The following CDH13 variants were observed in gnomAD, a reference collection of about 807,000 sequenced individuals.
CDH13 encodes cadherin-13.
A neutral mutation model predicts 63.8 loss-of-function variants in CDH13; 24 were observed. The observed-to-expected ratio is 0.38, with a 90% CI of 0.27 to 0.53. The LOEUF (loss-of-function observed/expected upper bound fraction) is 0.53, where lower values mean the gene tolerates loss of function less well. Ranked by LOEUF, CDH13 falls within the 20% of genes least tolerant of loss-of-function variation. The probability of loss-of-function intolerance (pLI) is 0.85; values close to 1 mark genes in which losing one functional copy is unlikely to be tolerated. For synonymous variants in CDH13, 503 were observed against 355.3 expected (o/e 1.42, Z -4.67); for missense variants, 1,049 against 903.1 (o/e 1.16, Z -2.07).
At chr16:83,071,423 T>C (rs186552631) in intron 3 of CDH13, among the ~76,000 whole-genome samples, 165 of 152,302 alleles carry the variant, frequency 1.1e-3, no homozygotes, top group Middle Eastern at 3.4e-3. Flanking sequence ...AAACCTGTGC[T>C]CCTGACTACC....
rs577319159 is a variant in CDH13 at position 82,956,967 on chromosome 16, G to A, written c.158-75043G>A. On this transcript the variant is annotated intron_variant, in intron 2 of 13. Transcript: ENST00000567109. The stretch of plus-strand genomic sequence containing the variant: ...CCCCACTGTGTCACTTAGAGACAAA[G>A]TGGAGACAGGGGTGGAGAGACATAA... Among the ~76,000 whole-genome samples, 5 of 152,288 alleles carry A rather than the reference G, an allele frequency of 3.3e-5. No individual in the cohort carries two copies. The East Asian group carries it at 5.8e-4, about 18-fold the overall frequency.
At chr16:83,263,642 C>G (rs911691084) in intron 5 of CDH13, among the ~76,000 whole-genome samples, 2 of 152,208 alleles carry the variant, frequency 1.3e-5, no homozygotes, top group African/African-American at 4.8e-5. Context: ...AGGATTAAAA[C>G]CATTACCACT....
rs147393564 is a variant in CDH13 at position 83,020,130 on chromosome 16, C to T, written c.158-11880C>T. On this transcript the variant is annotated intron_variant, in intron 2 of 13. Transcript: ENST00000567109. Reference sequence around the variant, plus strand: ...TGTGTTCCTCTGTAGATCAGAACATCGCTATGTGGCACATGACCGAATTTG... The same window carrying T: ...TGTGTTCCTCTGTAGATCAGAACATTGCTATGTGGCACATGACCGAATTTG... Among the ~76,000 whole-genome samples the T allele has an allele frequency of 2.8e-3, 429 of 152,278 alleles. 3 individuals carry two copies. In the Middle Eastern group the frequency reaches 0.034, roughly 12 times the overall value.
At chr16:83,680,163 C>G (rs1231985356) in intron 10 of CDH13, among the ~76,000 whole-genome samples, 1 of 152,208 alleles carries the variant, frequency 6.6e-6, no homozygotes, top group African/African-American at 2.4e-5. Flanking sequence ...GTCACAGGAA[C>G]AGACAGACTT....
chr16:83,223,906 T>C (rs997917063), intron 5 of CDH13, among the ~76,000 whole-genome samples: 5 of 152,118 alleles, frequency 3.3e-5, no homozygotes, highest in Admixed American at 1.3e-4. Context: ...TCTTTAGTGG[T>C]GGTTTGTAAG....
chr16:83,172,710 C>T (rs1347593279), intron 4 of CDH13, among the ~76,000 whole-genome samples: 1 of 151,930 alleles, frequency 6.6e-6, no homozygotes, highest in African/African-American at 2.4e-5. Context: ...ATTTCTGTTG[C>T]TTAAGCCACC....
chr16:83,442,540 T>A (rs1109544), intron 6 of CDH13, among the ~76,000 whole-genome samples: 67,481 of 140,580 alleles, frequency 0.48, 15,443 homozygotes, highest in African/African-American at 0.58. Context: ...CCTGGAAAAC[T>A]TTCACATTGC....
chr16:83,042,664 G>A (rs570435043), intron 3 of CDH13, among the ~76,000 whole-genome samples: 36 of 152,278 alleles, frequency 2.4e-4, no homozygotes, highest in Non-Finnish European at 4.4e-4. Context: ...CTGTGGTGCC[G>A]AAAAAGGCTG....
intron 6 of CDH13, among the ~76,000 whole-genome samples, chr16:83,357,444 G>A (rs1011023412): frequency 4.2e-4 from 64 of 152,122 alleles, no homozygotes; most frequent in African/African-American, 1.2e-3. Context: ...TGGAAACCAC[G>A]TTTGATGTGG....
chr16:83,117,490 GA>G (rs1206946997), intron 3 of CDH13, among the ~76,000 whole-genome samples: 1 of 151,992 alleles, frequency 6.6e-6, no homozygotes, highest in Admixed American at 6.6e-5. Context: ...CCTCCCTGCT[GA>G]TCTTTTTTCT....
chr16:83,210,080 T>A (rs1465271294), intron 4 of CDH13, among the ~76,000 whole-genome samples: 1 of 152,062 alleles, frequency 6.6e-6, no homozygotes, highest in African/African-American at 2.4e-5. Flanking sequence ...TGTTTGTTTG[T>A]TTGAGACAGA....
chr16:83,242,070 A>C (rs973141722), intron 5 of CDH13, among the ~76,000 whole-genome samples: 1 of 152,292 alleles, frequency 6.6e-6, no homozygotes, highest in Non-Finnish European at 1.5e-5. Flanking sequence ...AGTTTTCCAA[A>C]CACCATTTGG....
At chr16:83,694,734 G>A (rs1262906398) in intron 10 of CDH13, among the ~76,000 whole-genome samples, 1 of 152,158 alleles carries the variant, frequency 6.6e-6, no homozygotes, top group African/African-American at 2.4e-5. Flanking sequence ...CAGAGGGCAG[G>A]GTGTGGCTCT....
chr16:83,413,262 G>T (rs965369139), intron 6 of CDH13, among the ~76,000 whole-genome samples: 2 of 152,032 alleles, frequency 1.3e-5, no homozygotes, highest in African/African-American at 4.8e-5. Flanking sequence ...CCATCTACAG[G>T]TCTCCCATAA....
At chr16:83,355,375 C>G (rs557956994) in intron 6 of CDH13, among the ~76,000 whole-genome samples, 1 of 152,154 alleles carries the variant, frequency 6.6e-6, no homozygotes, top group Admixed American at 6.5e-5. Flanking sequence ...CAAGTATAAA[C>G]CAGAATCTAC....
chr16:83,512,662 C>T (rs892750420), intron 7 of CDH13, among the ~76,000 whole-genome samples: 4 of 145,940 alleles, frequency 2.7e-5, no homozygotes, highest in African/African-American at 5.3e-5. Flanking sequence ...AGTGAGACTC[C>T]GTCTCAATAA....
At chr16:83,344,772 C>A in intron 5 of CDH13, 90 bp from the exon 6 acceptor site, 1 of 1,406,160 alleles carries the variant, frequency 7.1e-7, no homozygotes, top group Non-Finnish European at 9.9e-7. Context: ...ATAAAATTGT[C>A]GATATAACCT....
chr16:82,675,885 C>A (rs536550886), intron 1 of CDH13, among the ~76,000 whole-genome samples: 55 of 152,306 alleles, frequency 3.6e-4, no homozygotes, highest in Non-Finnish European at 6.8e-4. Context: ...CTAAGCAGTT[C>A]TGAACCTAGA....
At chr16:82,686,536 A>C (rs1404505232) in intron 1 of CDH13, among the ~76,000 whole-genome samples, 2 of 152,206 alleles carry the variant, frequency 1.3e-5, no homozygotes, top group African/African-American at 4.8e-5. Flanking sequence ...TATGCCAGAG[A>C]ACAACGAGGC....
Sources: gnomAD v4.1 joint callset for allele counts (sites outside exome capture counted in the v4.1 genomes callset) on GRCh38, gnomAD v4.1.1 for gene constraint, MANE v1.5 for transcripts, NCBI Gene and HGNC (gene_info 2026-07-23, HGNC 2026-07-21) for gene names.